Variants in PARP6 observed in about 807,000 individuals in gnomAD.
PARP6 encodes the protein poly(ADP-ribose) polymerase family member 6.
A neutral mutation model predicts 92.0 loss-of-function variants in PARP6; 27 were observed. The observed-to-expected ratio is 0.29, with a 90% CI of 0.22 to 0.40. The LOEUF is 0.40. Among genes scored for constraint, PARP6 ranks in the 10% least tolerant of loss-of-function variants. PARP6 has a pLI of 1.00. For missense variants in PARP6, 501 were observed against 784.5 expected (o/e 0.64, Z 4.32); for synonymous variants, 272 against 281.2 (o/e 0.97, Z 0.33).
In PARP6 at chr15:72,242,071, T is replaced by A; in HGVS notation, c.1705+86A>T. 1.4e-6 allele frequency: 2 copies of A among 1,469,132 alleles called. No homozygotes were observed. Among genetic ancestry groups the A allele is most frequent in the South Asian group, 2.3e-5 (2 of 88,088 alleles). 91.0% of individuals were successfully genotyped at this position (1,469,132 alleles called of 1,614,324 possible). ...AGAAGGAAGCCATGCCACTTCAACA[T>A]CACTCTTGGCCAGATCATGTGCCAA... On this transcript the variant is annotated intron_variant, in intron 22 of 23. Transcript: ENST00000569795. This position sits in a 1 kb window ranked among gnomAD's most constrained non-coding sequence, Gnocchi z 4.3.
At position 72,257,343 on chromosome 15, in the gene PARP6, C is replaced by G. The variant is rs770182686; in HGVS notation, c.999+5G>C. 4.1e-5 allele frequency: 66 copies of G among 1,607,438 alleles called. No homozygotes were observed. Among genetic ancestry groups the G allele is most frequent in the Non-Finnish European group, 5.2e-5 (61 of 1,173,968 alleles). On this transcript the variant is annotated splice_donor_5th_base_variant and intron_variant, in intron 13 of 23. Transcript: ENST00000569795. ...ATTCCCCAGCCACGTTTCCCTCCCCCATACCTCTGCTCCAGTGGCCACCTC... is the reference window on the plus strand; with the variant it reads ...ATTCCCCAGCCACGTTTCCCTCCCCGATACCTCTGCTCCAGTGGCCACCTC...
rs749940534 is a variant in PARP6, at chr15:72,242,641, G to C, written c.1620C>G (p.Asn540Lys). Reference sequence around the variant, plus strand: ...ATACCTGGGGGATGGTATTCATCCTGTTGTATCTCTGGACCAGCTCATCCT... The same window carrying C: ...ATACCTGGGGGATGGTATTCATCCTCTTGTATCTCTGGACCAGCTCATCCT... ...PSKDELVQRYNRMNTIPQTRS... is the reference protein window; with the variant it reads ...PSKDELVQRYKRMNTIPQTRS... Residue 540 changes from asparagine to lysine, a missense_variant, in exon 21 of 24, where the codon AAC becomes AAG. Physicochemically the swap from Asn to Lys is moderately conservative, Grantham distance 94. Transcript: ENST00000569795. The surrounding 1 kb of genome is among the most constrained non-coding windows in gnomAD (Gnocchi z 4.3). 6.2e-7 allele frequency: 1 copy of C among 1,611,156 alleles called. No individual in the cohort carries two copies. The highest frequency in any genetic ancestry group is 8.5e-7 in the Non-Finnish European group (1 of 1,177,330).
intron 11 of PARP6, 137 bp downstream of exon 11, chr15:72,259,471 C>T (rs1453064880): frequency 4.3e-6 from 3 of 704,482 alleles, no homozygotes; most frequent in Non-Finnish European, 7.6e-6. Flanking sequence ...GGGAACAATG[C>T]CTTCTTTCCT....
At chr15:72,272,197 C>T (rs76890768) in intron 1 of PARP6, 196 bp downstream of exon 1, 3,563 of 152,358 alleles carry the variant, frequency 0.023, 139 homozygotes, top group African/African-American at 0.083. Context: ...GCTTCCAGGA[C>T]AGGCCCTGAG....
intron 14 of PARP6, among the ~76,000 whole-genome samples, chr15:72,255,955 C>G (rs1197525699): frequency 6.6e-6 from 1 of 151,690 alleles, no homozygotes; most frequent in South Asian, 2.1e-4. Context: ...CACCACCACA[C>G]CTGGCTAATT....
chr15:72,265,355 A>C, intron 6 of PARP6, 58 bp downstream of exon 6: 1 of 1,440,476 alleles, frequency 6.9e-7, no homozygotes, highest in Non-Finnish European at 9.8e-7. Flanking sequence ...CCTGGCCTAC[A>C]TGACAAATTC....
chr15:72,259,669 G>C lies in PARP6; in HGVS notation c.757-8C>G, dbSNP rs753915341. ...CTTGCAGTGACCACTGACCTGGTGA[G>C]AGTAAAAAGACAGACCCCGTGAACC... On this transcript the variant is annotated splice_region_variant and splice_polypyrimidine_tract_variant and intron_variant, in intron 10 of 23. Coordinates refer to ENST00000569795, the MANE Select transcript of PARP6 (RefSeq NM_001323532.2). 6.2e-7 allele frequency: 1 copy of C among 1,613,666 alleles called. No homozygotes were observed. Among genetic ancestry groups the C allele is most frequent in the Non-Finnish European group, 8.5e-7 (1 of 1,179,636 alleles).
chr15:72,250,510 T>G (rs761667932), intron 18 of PARP6: 2 of 331,082 alleles, frequency 6.0e-6, no homozygotes, highest in Admixed American at 4.6e-5. Flanking sequence ...CTTTAATACC[T>G]CTCTTTCTCT....
At position 72,250,973 on chromosome 15, in the gene PARP6, G is replaced by A. The variant is rs376339462; in HGVS notation, c.1309-19C>T. The A allele has an allele frequency of 7.0e-6, 11 of 1,562,090 alleles. No homozygotes were observed. Among genetic ancestry groups the A allele is most frequent in the Non-Finnish European group, 9.7e-6 (11 of 1,136,530 alleles). The stretch of plus-strand genomic sequence containing the variant: ...ACTTCAGCTGCTGCCCAGGGTGGGG[G>A]TGGAATCAGGAAAACAGAGCAGAAA... On this transcript the variant is annotated intron_variant, in intron 17 of 23. Transcript: ENST00000569795.
intron 13 of PARP6, among the ~76,000 whole-genome samples, 167 bp downstream of exon 13, chr15:72,257,181 G>A (rs1034103107): frequency 1.3e-5 from 2 of 152,046 alleles, no homozygotes; most frequent in African/African-American, 4.8e-5. Flanking sequence ...TCTTTAACTG[G>A]AGCCCCTACA....
intron 20 of PARP6, among the ~76,000 whole-genome samples, chr15:72,248,919 T>TTCC (rs2083969833): frequency 6.6e-6 from 1 of 152,236 alleles, no homozygotes; most frequent in African/African-American, 2.4e-5. Context: ...TGTACAAGTA[T>TTCC]ACACAAACAC....
chr15:72,261,573 A>C lies in PARP6; in HGVS notation c.530T>G (p.Phe177Cys). The C allele has an allele frequency of 1.2e-6, 2 of 1,614,070 alleles. No homozygotes were observed. Among genetic ancestry groups the C allele is most frequent in the Non-Finnish European group, 1.7e-6 (2 of 1,179,996 alleles). The change falls in exon 9 of 24, where the codon TTT becomes TGT. Residue 177 changes from phenylalanine (F) to cysteine (C), a missense_variant. Physicochemically the swap from Phe to Cys is radical, Grantham distance 205 (BLOSUM62 -2). Transcript: ENST00000569795. The part of the protein sequence containing the change: ...IKKFRAGLSI[F>C]SPIPKSPSFP... ...GAGCACTTACTTGGGGATGGGTGAA[A>C]AGATGCTGAGGCCAGCTCGGAACTT...
chr15:72,257,063 A>T (rs989634894), intron 13 of PARP6, among the ~76,000 whole-genome samples: 15 of 152,048 alleles, frequency 9.9e-5, no homozygotes, highest in African/African-American at 3.6e-4. Context: ...TTACATGGAC[A>T]ATTTTACTAC....
At chr15:72,269,186 A>G (rs1212408065) in intron 2 of PARP6, among the ~76,000 whole-genome samples, 3 of 152,010 alleles carry the variant, frequency 2.0e-5, no homozygotes. Flanking sequence ...TTTCTGACAG[A>G]GTTTCGCTGT....
At chr15:72,253,584 T>C in intron 15 of PARP6, 80 bp from the exon 16 acceptor site, 1 of 1,231,360 alleles carries the variant, frequency 8.1e-7, no homozygotes, top group Non-Finnish European at 1.2e-6. Flanking sequence ...GAGTGACTAT[T>C]AGGGTCCAGG....
At chr15:72,261,827 G>T in intron 8 of PARP6, 120 bp from the exon 9 acceptor site, 1 of 934,644 alleles carries the variant, frequency 1.1e-6, no homozygotes, top group Non-Finnish European at 1.6e-6. Flanking sequence ...TGTGGTAGGG[G>T]AATGTGTATC....
At position 72,265,907 on chromosome 15, in the gene PARP6, C is replaced by G. The variant is rs374375152; in HGVS notation, c.166G>C (p.Val56Leu). 6.2e-7 allele frequency: 1 copy of G among 1,611,780 alleles called. No individual in the cohort carries two copies. Among genetic ancestry groups the G allele is most frequent in the Non-Finnish European group, 8.5e-7 (1 of 1,177,924 alleles). Residue 56 changes from valine to leucine, a missense_variant, in exon 5 of 24, where the codon GTA becomes CTA. Physicochemically the swap from Val to Leu is conservative, Grantham distance 32. Around this residue, in one of 4 missense-constraint regions of PARP6, gnomAD observed 291 missense variants for 352.0 expected, o/e 0.83. Coordinates refer to ENST00000569795, the MANE Select transcript of PARP6 (RefSeq NM_001323532.2). ...AVKEIYSENS[V>L]SIREYGTIDD... is the part of the protein sequence containing the mutation. ...GAAGTAGAGTCCCACCTGATGGATA[C>G]AGAGTTCTCACTGTAGATCTCCTTC...
chr15:72,244,257 T>C (rs901228868), intron 20 of PARP6: 3 of 152,232 alleles, frequency 2.0e-5, no homozygotes, highest in African/African-American at 7.2e-5. Flanking sequence ...CAATCTGATT[T>C]CTCTGGCAGG....
Position 72,265,924 on chromosome 15 carries a change from A to G in PARP6, c.149T>C (p.Ile50Thr). 1 of 1,613,896 alleles carries G rather than the reference A, an allele frequency of 6.2e-7. No individual in the cohort carries two copies. The highest frequency in any genetic ancestry group is 8.5e-7 in the Non-Finnish European group (1 of 1,179,790). ...GATGGATACAGAGTTCTCACTGTAG[A>G]TCTCCTTCACGGCTTCAATGTCTGC... The part of the protein sequence containing the change: ...LDADIEAVKE[I>T]YSENSVSIRE... The change falls in exon 5 of 24, where the codon ATC (isoleucine) becomes ACC (threonine). Residue 50 changes from isoleucine (I) to threonine (T), a missense_variant. Coordinates refer to ENST00000569795, the MANE Select transcript of PARP6 (RefSeq NM_001323532.2).
Sources: gnomAD v4.1 joint callset for allele counts (sites outside exome capture counted in the v4.1 genomes callset) on GRCh38, gnomAD v4.1.1 for gene constraint, gnomAD v4.1.1 regional missense constraint, Gnocchi (gnomAD v3.1) non-coding constraint, MANE v1.5 for transcripts, NCBI Gene and HGNC (gene_info 2026-07-23, HGNC 2026-07-21) for gene names.